ATP2A3: variants seen among roughly 807,000 people sequenced by gnomAD.
ATP2A3 encodes sarcoplasmic/endoplasmic reticulum calcium ATPase 3.
A neutral mutation model predicts 106.8 loss-of-function variants in ATP2A3; 61 were observed. That is an observed-to-expected ratio of 0.57 (90% CI 0.46 to 0.71). ATP2A3 has a LOEUF of 0.71. ATP2A3 is among the 30% of genes least tolerant of loss of function. ATP2A3 has a pLI of 0.00. For missense variants in ATP2A3, 1,201 were observed against 1,423.5 expected (o/e 0.84, Z 2.52); for synonymous variants, 611 against 609.3 (o/e 1.00, Z -0.04).
intron 1 of ATP2A3, among the ~76,000 whole-genome samples, chr17:3,961,473 G>A (rs1465261050): frequency 4.6e-5 from 7 of 151,356 alleles, no homozygotes; most frequent in South Asian, 2.1e-4. Flanking sequence ...CTGCGCTGCC[G>A]AGGCTCCCCA....
At position 3,950,771 on chromosome 17, in the gene ATP2A3, C is replaced by A; in HGVS notation, c.466G>T (p.Gly156Trp). ...CGGAGGTCAGCAGGCACTTTGTCCC[C>A]CACTGTGCGGGGAGAATGGCTTGGC... ...VPGDIVEVAV[G>W]DKVPADLRLI... is the part of the protein sequence containing the mutation. Residue 156 changes from glycine to tryptophan, a missense_variant and splice_region_variant, in exon 6 of 21, where the codon GGG (glycine) becomes TGG (tryptophan). By Grantham distance (184) the Gly-to-Trp change is radical. Coordinates refer to ENST00000397041, the MANE Select transcript of ATP2A3 (RefSeq NM_005173.4). 1 of 1,613,016 alleles carries A rather than the reference C, an allele frequency of 6.2e-7. No homozygotes were observed.
Position 3,941,147 on chromosome 17 carries a change from A to C in ATP2A3, c.1924T>G (p.Phe642Val), listed in dbSNP as rs187260944. The C allele has an allele frequency of 3.1e-6, 5 of 1,614,140 alleles. No homozygotes were observed. In the Admixed American group the frequency reaches 8.3e-5, roughly 27 times the overall value. ...AVAICRRLGI[F>V]GDTEDVAGKA... ...CCCGCCACGTCTTCCGTGTCCCCAA[A>C]GATGCCAAGCCTGCGGCAGATGGCC... The change falls in exon 14 of 21, where the codon TTT (phenylalanine) becomes GTT (valine). Residue 642 changes from phenylalanine to valine, a missense_variant. Around this residue, in one of 2 missense-constraint regions of ATP2A3, gnomAD observed 935 missense variants for 1,176.7 expected, o/e 0.79. Transcript: ENST00000397041.
Position 3,935,288 on chromosome 17 carries a change from G to C in ATP2A3, c.2525-11C>G. On this transcript the variant is annotated splice_polypyrimidine_tract_variant and intron_variant, in intron 16 of 20. Coordinates refer to ENST00000397041, the MANE Select transcript of ATP2A3 (RefSeq NM_005173.4). ...CCAGGCCTACGTACACTGCGGGGAA[G>C]GGAGGAGACCGGCTGTAGAGAATGG... 3 of 1,612,634 alleles carry C rather than the reference G, an allele frequency of 1.9e-6. No individual in the cohort carries two copies. The highest frequency in any genetic ancestry group is 2.5e-6 in the Non-Finnish European group (3 of 1,179,472).
At position 3,934,713 on chromosome 17, in the gene ATP2A3, G is replaced by A. The variant is rs1484593892; in HGVS notation, c.2610+479C>T. On this transcript the variant is annotated intron_variant, in intron 17 of 20. Coordinates refer to ENST00000397041, the MANE Select transcript of ATP2A3 (RefSeq NM_005173.4). ...TAATGTTTGTATTTTTAATAGAGAC[G>A]GGGTTTCACCTCGTTGGACGGCTGG... 4.6e-5 allele frequency among the ~76,000 whole-genome samples: 7 copies of A among 151,262 alleles called. No individual in the cohort carries two copies. The East Asian group carries it at 1.2e-3, about 25-fold the overall frequency.
chr17:3,951,409 C>A lies in ATP2A3; in HGVS notation c.325-20G>T. On this transcript the variant is annotated intron_variant, in intron 4 of 20. Coordinates refer to ENST00000397041, the MANE Select transcript of ATP2A3 (RefSeq NM_005173.4). ...GCGTTCCTGCAGAATAGAAGGCCGG[C>A]AGGCAGTCTGTCCCTGCTGCCCCCC... 1 of 1,613,468 alleles carries A rather than the reference C, an allele frequency of 6.2e-7. No individual in the cohort carries two copies. The highest frequency in any genetic ancestry group is 8.5e-7 in the Non-Finnish European group (1 of 1,179,990).
At chr17:3,963,316 G>C (rs759546989) in intron 1 of ATP2A3, among the ~76,000 whole-genome samples, 2 of 152,244 alleles carry the variant, frequency 1.3e-5, no homozygotes, top group Non-Finnish European at 2.9e-5. Flanking sequence ...GATGCTGCGG[G>C]CATGAGCAAG....
In ATP2A3 at chr17:3,936,679, G is replaced by C. The variant is rs910228153; in HGVS notation, c.2322-210C>G. 2 of 604,008 alleles carry C rather than the reference G, an allele frequency of 3.3e-6. No individual in the cohort carries two copies. The highest frequency in any genetic ancestry group is 6.0e-6 in the Non-Finnish European group (2 of 332,582). 37.4% of individuals were successfully genotyped at this position (604,008 alleles called of 1,614,324 possible). ...CCTGCCTTCCCCAGTCCCAGCTCTG[G>C]ATCCTGGACATACCTGCTCTTTAGG... On this transcript the variant is annotated intron_variant, in intron 15 of 20. Transcript: ENST00000397041. The surrounding 1 kb of genome is among the most constrained non-coding windows in gnomAD (Gnocchi z 5.4).
intron 1 of ATP2A3, among the ~76,000 whole-genome samples, chr17:3,956,173 C>T (rs543099579): frequency 3.9e-5 from 6 of 152,178 alleles, no homozygotes; most frequent in Admixed American, 3.3e-4. Flanking sequence ...TGAGCCACCG[C>T]GCCCGGCTCA....
intron 11 of ATP2A3, 68 bp from the exon 12 acceptor site, chr17:3,942,799 C>T: frequency 6.3e-7 from 1 of 1,598,630 alleles, no homozygotes; most frequent in African/African-American, 1.3e-5. Flanking sequence ...TTCCCACCAA[C>T]TGCTTGGCCC....
At chr17:3,934,016 C>T (rs1158017664) in intron 17 of ATP2A3, among the ~76,000 whole-genome samples, 2 of 150,884 alleles carry the variant, frequency 1.3e-5, no homozygotes, top group Non-Finnish European at 2.9e-5. Context: ...TTCCGCCTCT[C>T]GGGTTCAAGC....
chr17:3,933,633 G>T (rs1337584178), intron 17 of ATP2A3, among the ~76,000 whole-genome samples: 3 of 151,252 alleles, frequency 2.0e-5, no homozygotes, highest in Admixed American at 1.3e-4. Flanking sequence ...CTAATGGGGA[G>T]GCTGAGGCAG....
At chr17:3,954,853 C>T (rs1036673429) in intron 1 of ATP2A3, among the ~76,000 whole-genome samples, 3 of 152,192 alleles carry the variant, frequency 2.0e-5, no homozygotes, top group South Asian at 2.1e-4. Context: ...GGCAGAGGTG[C>T]CTCGGGCCCC....
rs776411581 is a variant in ATP2A3 at position 3,941,416 on chromosome 17, G to A, written c.1764+20C>T. On this transcript the variant is annotated intron_variant, in intron 13 of 20. Transcript: ENST00000397041. Reference sequence around the variant, plus strand: ...CTGCACCCACCTCGTACTGCAGGGAGAATCGGCTCCTGCACCCACCTCGTA... The same window carrying A: ...CTGCACCCACCTCGTACTGCAGGGAAAATCGGCTCCTGCACCCACCTCGTA... The A allele has an allele frequency of 6.2e-7, 1 of 1,613,708 alleles. No individual in the cohort carries two copies. The highest frequency in any genetic ancestry group is 2.2e-5 in the East Asian group (1 of 44,862).
intron 1 of ATP2A3, among the ~76,000 whole-genome samples, chr17:3,958,903 T>C (rs1467654736): frequency 6.7e-6 from 1 of 148,172 alleles, no homozygotes; most frequent in Non-Finnish European, 1.5e-5. Context: ...TATATATTGT[T>C]TTTTTTCAGA....
rs1029904144 is a variant in ATP2A3 at position 3,925,813 on chromosome 17, G to A, written c.2981-372C>T. Among the ~76,000 whole-genome samples, 4 of 151,916 alleles carry A rather than the reference G, an allele frequency of 2.6e-5. No individual in the cohort carries two copies. The highest frequency in any genetic ancestry group is 5.9e-5 in the Non-Finnish European group (4 of 67,978). ...CCAGGCCTGATTTCACCCAAATTGC[G>A]AGAGCTCATCTCTCCCACTGCCTTC... On this transcript the variant is annotated intron_variant, in intron 20 of 20. Coordinates refer to ENST00000397041, the MANE Select transcript of ATP2A3 (RefSeq NM_005173.4). This position sits in a 1 kb window ranked among gnomAD's most constrained non-coding sequence, Gnocchi z 4.2.
In ATP2A3 at chr17:3,929,387, C is replaced by T. The variant is rs368854084; in HGVS notation, c.2803G>A (p.Val935Met). The T allele has an allele frequency of 2.9e-5, 46 of 1,582,182 alleles. No individual in the cohort carries two copies. Among genetic ancestry groups the T allele is most frequent in the Non-Finnish European group, 3.8e-5 (44 of 1,165,100 alleles). The change falls in exon 19 of 21, where the codon GTG becomes ATG. Residue 935 changes from valine to methionine, a missense_variant. Val to Met is a conservative substitution (Grantham distance 21). Transcript: ENST00000397041. The surrounding 1 kb of genome is among the most constrained non-coding windows in gnomAD (Gnocchi z 4.3). ...AGGGCCATGGACATGGCCACAGCCA[C>T]CAGCAGCCAGGGGTTCATCCAGGGC... ...MPPWMNPWLL[V>M]AVAMSMALHF...
rs41283379 is a variant in ATP2A3, at chr17:3,925,141, C to G, written c.*281G>C. On this transcript the variant is annotated 3_prime_UTR_variant, in exon 21 of 21. Coordinates refer to ENST00000397041, the MANE Select transcript of ATP2A3 (RefSeq NM_005173.4). The surrounding 1 kb of genome is among the most constrained non-coding windows in gnomAD (Gnocchi z 4.2). Reference sequence around the variant, plus strand: ...GCCAGCTCCGGCTTCTTGGCTGCCCCCTCCCAGCCTGCAGCTCCTGGGCCA... The same window carrying G: ...GCCAGCTCCGGCTTCTTGGCTGCCCGCTCCCAGCCTGCAGCTCCTGGGCCA... The G allele has an allele frequency of 7.9e-3, 4,688 of 590,346 alleles. 32 individuals carry two copies. The highest frequency in any genetic ancestry group is 0.012 in the Non-Finnish European group (3,935 of 333,312). The allele number at this position is 590,346 out of a possible 1,614,324, so 36.6% of individuals were successfully genotyped here.
intron 1 of ATP2A3, among the ~76,000 whole-genome samples, chr17:3,958,869 T>TACACACACAC (rs1555566985): frequency 1.3e-5 from 1 of 77,444 alleles, no homozygotes; most frequent in Admixed American, 1.3e-4. Context: ...TATATATATA[T>TACACACACAC]ACACACACAC....
rs999508583 is a variant in ATP2A3, at chr17:3,928,558, GCAGA to G, written c.2980+101_2980+104del. Reference sequence around the variant, plus strand: ...TGATCCGAGAACGCCTCCCCGATGTGCAGACAGAGAGGCTCTGCGCTCCACACCC... The same window carrying G: ...TGATCCGAGAACGCCTCCCCGATGTGCAGAGAGGCTCTGCGCTCCACACCC... On this transcript the variant is annotated intron_variant, in intron 20 of 20. Transcript: ENST00000397041. This position sits in a 1 kb window ranked among gnomAD's most constrained non-coding sequence, Gnocchi z 6.1. 1.8e-6 allele frequency: 2 copies of G among 1,124,650 alleles called. No homozygotes were observed. The highest frequency in any genetic ancestry group is 2.6e-6 in the Non-Finnish European group (2 of 762,858). 69.7% of individuals were successfully genotyped at this position (1,124,650 alleles called of 1,614,324 possible). A position where few individuals can be genotyped will look rare whatever the true frequency, so the allele number is the denominator to read the frequency against.
Sources: allele counts gnomAD v4.1 joint callset (sites outside exome capture counted in the v4.1 genomes callset), GRCh38; gene constraint gnomAD v4.1.1; regional missense constraint gnomAD v4.1.1; non-coding constraint Gnocchi (gnomAD v3.1); transcripts MANE v1.5; gene names NCBI Gene and HGNC (gene_info 2026-07-23, HGNC 2026-07-21).